Variants in TTLL5 observed in about 807,000 individuals in gnomAD.
The protein encoded by TTLL5 is tubulin tyrosine ligase like 5.
Under a neutral mutation model 168.4 loss-of-function variants are expected in TTLL5, and 132 were observed. That is an observed-to-expected ratio of 0.78 (90% confidence interval 0.68 to 0.91). The LOEUF (loss-of-function observed/expected upper bound fraction) is 0.91, where lower values mean the gene tolerates loss of function less well. Ranked by LOEUF, TTLL5 falls within the 40% of genes least tolerant of loss-of-function variation. TTLL5 has a pLI of 0.00. For synonymous variants in TTLL5, 546 were observed against 558.6 expected (o/e 0.98, Z 0.32); for missense variants, 1,545 against 1,581.5 (o/e 0.98, Z 0.39).
intron 6 of TTLL5, among the ~76,000 whole-genome samples, chr14:75,697,494 A>G (rs1428109732): frequency 5.9e-5 from 9 of 152,198 alleles, no homozygotes; most frequent in African/African-American, 2.2e-4. Context: ...GAGAGTGGAC[A>G]AAAGATCTCT....
chr14:75,748,731 AAG>A (rs1889763690), intron 17 of TTLL5, among the ~76,000 whole-genome samples: 1 of 152,244 alleles, frequency 6.6e-6, no homozygotes, highest in Non-Finnish European at 1.5e-5. Context: ...AGCAATGCAT[AAG>A]AGAGTCTGTT....
At chr14:75,759,404 T>C (rs1890490645) in intron 18 of TTLL5, among the ~76,000 whole-genome samples, 1 of 152,084 alleles carries the variant, frequency 6.6e-6, no homozygotes, top group Non-Finnish European at 1.5e-5. Context: ...AACTTTCCTA[T>C]AGAGAAAACT....
chr14:75,668,052 T>C (rs1319045224), intron 2 of TTLL5, among the ~76,000 whole-genome samples: 1 of 152,026 alleles, frequency 6.6e-6, no homozygotes, highest in Non-Finnish European at 1.5e-5. Flanking sequence ...AGCCACCGTG[T>C]CCGGCCCGAG....
In TTLL5 at chr14:75,694,337, G is replaced by T. The variant is rs73309489; in HGVS notation, c.502+4015G>T. On this transcript the variant is annotated intron_variant, in intron 6 of 31. Coordinates refer to ENST00000298832, the MANE Select transcript of TTLL5 (RefSeq NM_015072.5). Reference sequence around the variant, plus strand: ...TAATCATAGTGAAGCACCAGAAGAAGCATTAACTTCTTTTTTTTTGAGACA... The same window carrying T: ...TAATCATAGTGAAGCACCAGAAGAATCATTAACTTCTTTTTTTTTGAGACA... Among the ~76,000 whole-genome samples, 798 of 152,236 alleles carry T rather than the reference G, an allele frequency of 5.2e-3. 8 individuals are homozygous for T. Among genetic ancestry groups the T allele is most frequent in the African/African-American group, 0.018 (758 of 41,546 alleles).
intron 28 of TTLL5, among the ~76,000 whole-genome samples, chr14:75,830,284 G>C (rs1566622424): frequency 6.6e-6 from 1 of 152,172 alleles, no homozygotes; most frequent in South Asian, 2.1e-4. Context: ...ACCTGCATCT[G>C]GGTCCAGTCC....
chr14:75,710,397 TATAC>T lies in TTLL5; in HGVS notation c.740+2692_740+2695del, dbSNP rs776354961. On this transcript the variant is annotated intron_variant, in intron 9 of 31. Coordinates refer to ENST00000298832, the MANE Select transcript of TTLL5 (RefSeq NM_015072.5). ...TGCTTCCAGCAGAAACAAAAAAATT[TATAC>T]ACACACACACACACACACACACACA... 1.6e-4 allele frequency: 13 copies of T among 81,458 alleles called. No individual in the cohort carries two copies. In the South Asian group the frequency reaches 3.2e-3, roughly 20 times the overall value. The allele number at this position is 81,458 out of a possible 1,614,324, so 5.0% of individuals were successfully genotyped here. A position where few individuals can be genotyped will look rare whatever the true frequency, so the allele number is the denominator to read the frequency against.
chr14:75,875,188 C>T (rs1350886488), intron 29 of TTLL5, among the ~76,000 whole-genome samples: 1 of 149,690 alleles, frequency 6.7e-6, no homozygotes, highest in Non-Finnish European at 1.5e-5. Context: ...CTGCCTCAGC[C>T]TCCCAAAGTG....
In TTLL5 at chr14:75,735,139, G is replaced by T. The variant is rs2288141; in HGVS notation, c.1187-56G>T. 0.73 allele frequency: 1,116,047 copies of T among 1,527,490 alleles called. 413,531 individuals carry two copies. The highest frequency in any genetic ancestry group is 0.79 in the Admixed American group (47,174 of 59,854). The allele number at this position is 1,527,490 out of a possible 1,614,324, so 94.6% of individuals were successfully genotyped here. A position where few individuals can be genotyped will look rare whatever the true frequency, so the allele number is the denominator to read the frequency against. The stretch of plus-strand genomic sequence containing the variant: ...TGTATCTAAAGAAAAGGTGCAGCCA[G>T]ACCTGCTAATTTCTTAGAAAATGGC... On this transcript the variant is annotated intron_variant, in intron 14 of 31. Transcript: ENST00000298832.
chr14:75,887,711 T>C (rs1331833884), intron 30 of TTLL5, among the ~76,000 whole-genome samples: 2 of 152,218 alleles, frequency 1.3e-5, no homozygotes, highest in African/African-American at 4.8e-5. Flanking sequence ...CCTGCCAATC[T>C]ATTCATCTAT....
chr14:75,794,520 C>T (rs916667538), intron 27 of TTLL5, among the ~76,000 whole-genome samples: 1 of 151,754 alleles, frequency 6.6e-6, no homozygotes, highest in Non-Finnish European at 1.5e-5. Context: ...GTTCACTAGA[C>T]TGCAAAGCCT....
intron 31 of TTLL5, among the ~76,000 whole-genome samples, chr14:75,948,372 C>T (rs2034845016): frequency 6.6e-6 from 1 of 151,966 alleles, no homozygotes; most frequent in Admixed American, 6.6e-5. Context: ...GTAAGCCTAG[C>T]TACTCGGGAG....
rs947935234 is a variant in TTLL5, at chr14:75,746,069, A to G, written c.1487+488A>G. ...CTCGTAGCCCTCTTTATCCCCTTTTATATTCAATCCTCCACATGACCCTGG... is the reference window on the plus strand; with the variant it reads ...CTCGTAGCCCTCTTTATCCCCTTTTGTATTCAATCCTCCACATGACCCTGG... On this transcript the variant is annotated intron_variant, in intron 17 of 31. Transcript: ENST00000298832. Among the ~76,000 whole-genome samples the G allele has an allele frequency of 5.3e-5, 8 of 152,210 alleles. No individual in the cohort carries two copies. The South Asian group carries it at 1.5e-3, about 28-fold the overall frequency.
chr14:75,740,811 A>G (rs970855893), intron 15 of TTLL5, among the ~76,000 whole-genome samples: 4 of 152,226 alleles, frequency 2.6e-5, no homozygotes, highest in Non-Finnish European at 1.5e-5. Context: ...AAAATGTATC[A>G]CATATAAATT....
At chr14:75,921,966 GTATTT>G (rs1344765931) in intron 31 of TTLL5, among the ~76,000 whole-genome samples, 1 of 152,070 alleles carries the variant, frequency 6.6e-6, no homozygotes, top group African/African-American at 2.4e-5. Flanking sequence ...ACATTCCTAG[GTATTT>G]TATTCTCTTT....
At chr14:75,886,445 A>G (rs375509385) in intron 30 of TTLL5, among the ~76,000 whole-genome samples, 2 of 152,212 alleles carry the variant, frequency 1.3e-5, no homozygotes, top group Non-Finnish European at 2.9e-5. Flanking sequence ...TTTTCTGTCT[A>G]TTCCATTGAA....
intron 6 of TTLL5, among the ~76,000 whole-genome samples, chr14:75,692,880 T>G (rs996593054): frequency 3.9e-5 from 6 of 152,132 alleles, no homozygotes; most frequent in African/African-American, 7.2e-5. Context: ...GTTTTGCAGG[T>G]GGCAGTTGTA....
intron 3 of TTLL5, among the ~76,000 whole-genome samples, chr14:75,676,779 T>C (rs1184087): frequency 0.31 from 47,283 of 150,944 alleles, 9,221 homozygotes; most frequent in East Asian, 0.55. Flanking sequence ...TTTTTTTTTT[T>C]TTTTTTTCTG....
chr14:75,773,903 A>AAAACAT (rs1891493962), intron 21 of TTLL5, among the ~76,000 whole-genome samples: 1 of 74,686 alleles, frequency 1.3e-5, no homozygotes, highest in African/African-American at 4.2e-5. Context: ...AAAAAAAAAA[A>AAAACAT]ATACATATAT....
At chr14:75,720,265 C>G (rs1005702126) in intron 11 of TTLL5, among the ~76,000 whole-genome samples, 1 of 152,108 alleles carries the variant, frequency 6.6e-6, no homozygotes, top group Non-Finnish European at 1.5e-5. Context: ...TTGAGCAGAA[C>G]GGGAAACTGT....
Sources: gnomAD v4.1 joint callset for allele counts (sites outside exome capture counted in the v4.1 genomes callset) on GRCh38, gnomAD v4.1.1 for gene constraint, MANE v1.5 for transcripts, NCBI Gene and HGNC (gene_info 2026-07-23, HGNC 2026-07-21) for gene names.